DMD: variants seen among roughly 807,000 people sequenced by gnomAD.
DMD encodes the protein mutant dystrophin.
DMD carries 63 observed loss-of-function variants against 330.1 expected under a neutral mutation model. That is an observed-to-expected ratio of 0.19 (90% CI 0.16 to 0.24). The LOEUF is 0.24. Among genes scored for constraint, DMD ranks in the 10% least tolerant of loss-of-function variants. The probability of loss-of-function intolerance (pLI) is 1.00; values close to 1 mark genes in which losing one functional copy is unlikely to be tolerated. For missense variants in DMD, 3,344 were observed against 2,684.1 expected (o/e 1.25, Z -5.43); for synonymous variants, 1,223 against 959.8 (o/e 1.27, Z -5.07).
intron 62 of DMD, among the ~76,000 whole-genome samples, chrX:31,321,640 T>A: frequency 1.4e-5 from 1 of 72,899 alleles, no homozygotes. Context: ...ATAGGTTAAG[T>A]GACTTGCCTA....
At chrX:31,360,870 T>C (rs896214688) in intron 60 of DMD, among the ~76,000 whole-genome samples, 2 of 112,382 alleles carry the variant, frequency 1.8e-5, no homozygotes, top group African/African-American at 6.5e-5. Flanking sequence ...AAACAATGTA[T>C]TTAACTAAAA....
In DMD at chrX:32,732,107, T is replaced by G. The variant is rs1238926758; in HGVS notation, c.650-32814A>C. 3.6e-5 allele frequency among the ~76,000 whole-genome samples: 4 copies of G among 111,020 alleles called. No homozygotes were observed. In the East Asian group the frequency reaches 1.1e-3, roughly 32 times the overall value. ...TGAAAACCAAGGCTAGAGAAGTACG[T>G]GAAGAATGCAGAAGCCTCAGGAGCC... On this transcript the variant is annotated intron_variant, in intron 7 of 78. Coordinates refer to ENST00000357033, the MANE Select transcript of DMD (RefSeq NM_004006.3).
chrX:31,895,793 T>C (rs1015911390), intron 47 of DMD, among the ~76,000 whole-genome samples: 1 of 111,831 alleles, frequency 8.9e-6, no homozygotes, highest in African/African-American at 3.2e-5. Flanking sequence ...CTGTGACAGC[T>C]ATTTCATCTG....
At chrX:33,324,792 C>T (rs184046569) in intron 1 of DMD, among the ~76,000 whole-genome samples, 83 of 111,887 alleles carry the variant, frequency 7.4e-4, no homozygotes, top group Non-Finnish European at 6.0e-4. Flanking sequence ...CAACATGGCA[C>T]TATTGCCTCA....
intron 7 of DMD, among the ~76,000 whole-genome samples, chrX:32,757,080 A>T (rs768148968): frequency 2.2e-4 from 25 of 111,865 alleles, no homozygotes; most frequent in African/African-American, 8.1e-4. Flanking sequence ...CAAATTTTAT[A>T]TATTTATAGT....
At chrX:31,657,640 T>A (rs1215546568) in intron 54 of DMD, among the ~76,000 whole-genome samples, 2 of 112,048 alleles carry the variant, frequency 1.8e-5, no homozygotes, top group Non-Finnish European at 3.8e-5. Context: ...ATTTATCAGA[T>A]AACAGGTAAG....
intron 20 of DMD, among the ~76,000 whole-genome samples, 167 bp downstream of exon 20, chrX:32,491,109 TA>T (rs2042954385): frequency 8.9e-6 from 1 of 112,756 alleles, no homozygotes; most frequent in Non-Finnish European, 1.9e-5. Flanking sequence ...ATCTACGTCT[TA>T]CATATTTAAA....
At chrX:32,485,326 A>T (rs1163462390) in intron 20 of DMD, among the ~76,000 whole-genome samples, 7 of 111,190 alleles carry the variant, frequency 6.3e-5, no homozygotes, top group African/African-American at 2.3e-4. Flanking sequence ...TGATATTTAA[A>T]TTTCAAGATG....
Position 31,299,774 on chromosome X carries a change from T to TAA in DMD, c.9224+23822_9224+23823dup, listed in dbSNP as rs35813284. Reference sequence around the variant, plus strand: ...CTGGTGACAGAGGAAGACTCCGTCTTAAAAAAAAAAAAAAAAAAAAAAAAG... The same window carrying TAA: ...CTGGTGACAGAGGAAGACTCCGTCTTAAAAAAAAAAAAAAAAAAAAAAAAAAG... On this transcript the variant is annotated intron_variant, in intron 62 of 78. Transcript: ENST00000357033. Among the ~76,000 whole-genome samples the TAA allele has an allele frequency of 5.3e-3, 302 of 56,874 alleles. 2 individuals carry two copies. The highest frequency in any genetic ancestry group is 6.4e-3 in the Non-Finnish European group (208 of 32,358). 49.4% of individuals were successfully genotyped at this position (56,874 alleles called of 115,157 possible). A position where few individuals can be genotyped will look rare whatever the true frequency, so the allele number is the denominator to read the frequency against.
At chrX:32,121,648 TA>T (rs2096636318) in intron 44 of DMD, among the ~76,000 whole-genome samples, 1 of 84,340 alleles carries the variant, frequency 1.2e-5, no homozygotes, top group Non-Finnish European at 2.3e-5. Flanking sequence ...TATATATATA[TA>T]TATATATATA....
At chrX:31,181,604 C>T (rs1365793156) in intron 68 of DMD, among the ~76,000 whole-genome samples, 1 of 111,831 alleles carries the variant, frequency 8.9e-6, no homozygotes, top group Non-Finnish European at 1.9e-5. Context: ...GTGACCTTTG[C>T]AAGCAGTACC....
chrX:33,213,547 T>C (rs896012350), upstream of DMD, among the ~76,000 whole-genome samples: 3 of 112,198 alleles, frequency 2.7e-5, no homozygotes, highest in African/African-American at 9.7e-5. Context: ...GTCCTCAGAA[T>C]AACTACATCT....
intron 2 of DMD, among the ~76,000 whole-genome samples, chrX:33,009,795 TGTATATGTGTATATACAC>T (rs2093608342): frequency 3.2e-5 from 1 of 30,838 alleles, no homozygotes; most frequent in Non-Finnish European, 6.6e-5. Flanking sequence ...TGTATATGTG[TGTATATGTGTATATACAC>T]ACATATGTGT....
chrX:32,457,062 A>G (rs770101077), intron 25 of DMD, among the ~76,000 whole-genome samples: 49 of 101,112 alleles, frequency 4.8e-4, no homozygotes, highest in Non-Finnish European at 6.2e-4. Flanking sequence ...TAATAGGGGG[A>G]AAAAAAAAAG....
At chrX:31,605,204 T>C (rs1432402427) in intron 55 of DMD, among the ~76,000 whole-genome samples, 1 of 111,867 alleles carries the variant, frequency 8.9e-6, no homozygotes, top group African/African-American at 3.2e-5. Context: ...TCTGACCATG[T>C]TCTGCTAGCC....
intron 1 of DMD, among the ~76,000 whole-genome samples, chrX:33,248,590 T>C (rs2052710337): frequency 8.9e-6 from 1 of 111,830 alleles, no homozygotes; most frequent in African/African-American, 3.2e-5. Context: ...GAAAGTGACA[T>C]TCATGAATGT....
At chrX:32,897,429 T>C (rs893913638) in intron 2 of DMD, among the ~76,000 whole-genome samples, 22 of 111,710 alleles carry the variant, frequency 2.0e-4, no homozygotes, top group Admixed American at 4.8e-4. Flanking sequence ...AGAAAATCTA[T>C]GACATTAGGA....
intron 67 of DMD, among the ~76,000 whole-genome samples, chrX:31,183,108 T>C (rs2041340118): frequency 9.6e-6 from 1 of 103,908 alleles, no homozygotes; most frequent in Non-Finnish European, 2.0e-5. Context: ...TCCTAAGGCT[T>C]TGGTAAACTG....
chrX:32,500,432 C>A (rs1055337418), intron 19 of DMD, among the ~76,000 whole-genome samples: 1 of 111,301 alleles, frequency 9.0e-6, no homozygotes, highest in Non-Finnish European at 1.9e-5. Context: ...AAATCATTCC[C>A]GTAATTTCTA....
Sources: gnomAD v4.1 joint callset for allele counts (sites outside exome capture counted in the v4.1 genomes callset) on GRCh38, gnomAD v4.1.1 for gene constraint, MANE v1.5 for transcripts, NCBI Gene and HGNC (gene_info 2026-07-23, HGNC 2026-07-21) for gene names.